PKNOX2: variants seen among roughly 807,000 people sequenced by gnomAD.
PKNOX2 encodes homeobox protein PKNOX2.
PKNOX2 carries 14 observed loss-of-function variants against 53.1 expected under a neutral mutation model. That is an observed-to-expected ratio of 0.26 (90% CI 0.17 to 0.41). The LOEUF (loss-of-function observed/expected upper bound fraction) is 0.41, where lower values mean the gene tolerates loss of function less well. PKNOX2 is among the 10% of genes least tolerant of loss of function. The probability of loss-of-function intolerance (pLI) is 1.00; values close to 1 mark genes in which losing one functional copy is unlikely to be tolerated. For synonymous variants in PKNOX2, 257 were observed against 242.8 expected (o/e 1.06, Z -0.54); for missense variants, 496 against 602.8 (o/e 0.82, Z 1.85).
intron 1 of PKNOX2, among the ~76,000 whole-genome samples, chr11:125,183,588 C>T (rs972668229): frequency 4.6e-5 from 7 of 152,146 alleles, no homozygotes; most frequent in African/African-American, 1.7e-4. Context: ...CTCTGAGCCA[C>T]CTCTCTCTAA....
At chr11:125,331,289 C>A (rs1229371544) in intron 2 of PKNOX2, among the ~76,000 whole-genome samples, 2 of 152,198 alleles carry the variant, frequency 1.3e-5, no homozygotes, top group African/African-American at 4.8e-5. Flanking sequence ...GCTTTAGGCC[C>A]ATTCCCCTCC....
chr11:125,366,022 CT>C (rs1375427994), intron 4 of PKNOX2, among the ~76,000 whole-genome samples: 1 of 152,054 alleles, frequency 6.6e-6, no homozygotes, highest in Non-Finnish European at 1.5e-5. Flanking sequence ...GTGAAGATTA[CT>C]GGGTTTTAGT....
chr11:125,366,579 G>A (rs568309970), intron 4 of PKNOX2, among the ~76,000 whole-genome samples: 12 of 152,240 alleles, frequency 7.9e-5, no homozygotes, highest in African/African-American at 2.9e-4. Context: ...TCATGGTAAG[G>A]GCTATGAAGA....
intron 1 of PKNOX2, among the ~76,000 whole-genome samples, chr11:125,226,986 T>A (rs781045495): frequency 6.6e-6 from 1 of 152,054 alleles, no homozygotes; most frequent in Admixed American, 6.5e-5. Flanking sequence ...TATCCTCTCC[T>A]TGGACTGATG....
intron 3 of PKNOX2, among the ~76,000 whole-genome samples, chr11:125,342,354 C>T (rs1950734003): frequency 6.6e-6 from 1 of 152,144 alleles, no homozygotes; most frequent in South Asian, 2.1e-4. Flanking sequence ...CCTCCATGCC[C>T]TCCTTCCCCC....
At chr11:125,367,797 A>C (rs1297561193) in intron 4 of PKNOX2, 49 bp from the exon 5 acceptor site, 1 of 1,585,310 alleles carries the variant, frequency 6.3e-7, no homozygotes. Flanking sequence ...CCTGGAGACC[A>C]GCACCCTGGC....
Position 125,411,946 on chromosome 11 carries a change from C to T in PKNOX2, c.936+81C>T, listed in dbSNP as rs184591308. The T allele has an allele frequency of 4.5e-5, 71 of 1,587,920 alleles. No homozygotes were observed. The East Asian group carries it at 1.3e-3, about 29-fold the overall frequency. The stretch of plus-strand genomic sequence containing the variant: ...CCGTGTGGGTACCAGACTCTGCTGT[C>T]GGCTCCAAACCCACAGACAGAGGGC... On this transcript the variant is annotated intron_variant, in intron 10 of 12. Transcript: ENST00000298282.
At chr11:125,306,710 G>T (rs1283976805) in intron 2 of PKNOX2, among the ~76,000 whole-genome samples, 1 of 152,190 alleles carries the variant, frequency 6.6e-6, no homozygotes, top group African/African-American at 2.4e-5. Context: ...GAGGAGAGGT[G>T]AACAGCTTGA....
chr11:125,362,885 C>G (rs1213959761), intron 4 of PKNOX2, among the ~76,000 whole-genome samples: 2 of 152,200 alleles, frequency 1.3e-5, no homozygotes, highest in African/African-American at 4.8e-5. Context: ...GGCTGGATCT[C>G]TCAGCCCCAC....
chr11:125,253,465 C>T lies in PKNOX2; in HGVS notation c.-130+18350C>T, dbSNP rs140765323. Reference sequence around the variant, plus strand: ...AGGAGGGTGGCTCAGCCCTGCCCTCCGCTTGCTGTTCTGCTGCTCCTCATG... The same window carrying T: ...AGGAGGGTGGCTCAGCCCTGCCCTCTGCTTGCTGTTCTGCTGCTCCTCATG... On this transcript the variant is annotated intron_variant, in intron 2 of 12. Coordinates refer to ENST00000298282, the MANE Select transcript of PKNOX2 (RefSeq NM_001382323.2). Among the ~76,000 whole-genome samples the T allele has an allele frequency of 3.2e-3, 483 of 152,178 alleles. 1 individual carries two copies. The highest frequency in any genetic ancestry group is 0.011 in the African/African-American group (447 of 41,520).
chr11:125,239,461 T>C (rs1942985940), intron 2 of PKNOX2, among the ~76,000 whole-genome samples: 1 of 152,140 alleles, frequency 6.6e-6, no homozygotes, highest in East Asian at 1.9e-4. Context: ...CATTTTTTAT[T>C]TCAGTTGGCT....
intron 1 of PKNOX2, among the ~76,000 whole-genome samples, chr11:125,172,716 C>T (rs1245153322): frequency 6.6e-6 from 1 of 152,202 alleles, no homozygotes; most frequent in East Asian, 1.9e-4. Flanking sequence ...TGCTTCGTGG[C>T]TTTGTGGCTA....
intron 1 of PKNOX2, among the ~76,000 whole-genome samples, chr11:125,200,461 G>A (rs1314055026): frequency 6.6e-6 from 1 of 152,188 alleles, no homozygotes; most frequent in Non-Finnish European, 1.5e-5. Context: ...CCCAGTGATA[G>A]GTTCTGTGAA....
chr11:125,174,734 C>T (rs1046099918), intron 1 of PKNOX2, among the ~76,000 whole-genome samples: 3 of 152,110 alleles, frequency 2.0e-5, no homozygotes, highest in Non-Finnish European at 4.4e-5. Flanking sequence ...CCCCCAGCTT[C>T]CAGGAGGGTC....
At chr11:125,229,776 A>C (rs1942042062) in intron 1 of PKNOX2, among the ~76,000 whole-genome samples, 1 of 152,056 alleles carries the variant, frequency 6.6e-6, no homozygotes, top group African/African-American at 2.4e-5. Context: ...CCATGGGGCC[A>C]GGGGGGGCTT....
chr11:125,283,374 G>A (rs1179013940), intron 2 of PKNOX2, among the ~76,000 whole-genome samples: 1 of 152,190 alleles, frequency 6.6e-6, no homozygotes, highest in Non-Finnish European at 1.5e-5. Context: ...CCCCTTCAGT[G>A]TGTTCCCTCT....
chr11:125,389,280 G>A (rs1835235822), intron 6 of PKNOX2, among the ~76,000 whole-genome samples: 1 of 152,184 alleles, frequency 6.6e-6, no homozygotes. Context: ...GTTCACAGAA[G>A]GAAGTGACTT....
chr11:125,259,298 G>A (rs1417184288), intron 2 of PKNOX2, among the ~76,000 whole-genome samples: 1 of 152,182 alleles, frequency 6.6e-6, no homozygotes, highest in African/African-American at 2.4e-5. Context: ...TAAGACGCAT[G>A]TTAGACACCC....
intron 2 of PKNOX2, among the ~76,000 whole-genome samples, chr11:125,327,435 C>G (rs116017711): frequency 4.7e-4 from 72 of 152,314 alleles, no homozygotes; most frequent in African/African-American, 1.7e-3. Flanking sequence ...GTCACACAGC[C>G]CCGTGTCTTC....
Sources: gnomAD v4.1 joint callset for allele counts (sites outside exome capture counted in the v4.1 genomes callset) on GRCh38, gnomAD v4.1.1 for gene constraint, MANE v1.5 for transcripts, NCBI Gene and HGNC (gene_info 2026-07-23, HGNC 2026-07-21) for gene names.